ABLIM1: variants seen among roughly 807,000 people sequenced by gnomAD.
ABLIM1 encodes actin-binding LIM protein 1.
In ABLIM1, 40 loss-of-function variants were observed where a neutral mutation model predicts 107.0. The ratio of observed to expected loss-of-function variants is 0.37; its 90% CI spans 0.29 to 0.49. The LOEUF (loss-of-function observed/expected upper bound fraction) is 0.49, where lower values mean the gene tolerates loss of function less well. Ranked by LOEUF, ABLIM1 falls within the 20% of genes least tolerant of loss-of-function variation. ABLIM1 has a pLI of 0.97. For synonymous variants in ABLIM1, 357 were observed against 357.3 expected (o/e 1.00, Z 0.01); for missense variants, 857 against 1,008.5 (o/e 0.85, Z 2.04).
At chr10:114,639,643 T>C (rs1042174149) in intron 1 of ABLIM1, among the ~76,000 whole-genome samples, 1 of 152,244 alleles carries the variant, frequency 6.6e-6, no homozygotes, top group Non-Finnish European at 1.5e-5. Context: ...GCATGTAACC[T>C]GCAGCGTTGC....
intron 6 of ABLIM1, among the ~76,000 whole-genome samples, chr10:114,538,657 C>G (rs1287285314): frequency 2.0e-5 from 3 of 152,214 alleles, no homozygotes; most frequent in African/African-American, 7.2e-5. Flanking sequence ...TCGTGGGACT[C>G]AGAGCCCCGC....
intron 1 of ABLIM1, among the ~76,000 whole-genome samples, chr10:114,664,608 A>G (rs2079938464): frequency 1.3e-5 from 2 of 151,542 alleles, no homozygotes; most frequent in African/African-American, 4.8e-5. Flanking sequence ...CAGTGGTGCG[A>G]TCTTGGCTCA....
At chr10:114,470,670 T>A (rs1020207966) in intron 10 of ABLIM1, among the ~76,000 whole-genome samples, 11 of 152,058 alleles carry the variant, frequency 7.2e-5, no homozygotes, top group African/African-American at 2.4e-4. Context: ...TAGCCAGCAT[T>A]TTTCTTAAGC....
At chr10:114,757,334 A>G (rs1312523556) in intron 1 of ABLIM1, among the ~76,000 whole-genome samples, 1 of 152,204 alleles carries the variant, frequency 6.6e-6, no homozygotes, top group Non-Finnish European at 1.5e-5. Context: ...ATCTCAGGCA[A>G]GTTTCTTCAT....
intron 8 of ABLIM1, among the ~76,000 whole-genome samples, chr10:114,482,630 G>A (rs557012437): frequency 6.6e-6 from 1 of 152,296 alleles, no homozygotes; most frequent in South Asian, 2.1e-4. Context: ...CATTTTCTCT[G>A]CCAGGTCCCC....
the ABLIM1 span, among the ~76,000 whole-genome samples, chr10:114,784,618 G>A: frequency 7.3e-6 from 1 of 136,060 alleles, no homozygotes; most frequent in East Asian, 2.3e-4. Flanking sequence ...AGTGAGCTGA[G>A]ATCCAGCCAC....
chr10:114,590,936 G>C (rs2074802351), intron 2 of ABLIM1, among the ~76,000 whole-genome samples: 1 of 152,090 alleles, frequency 6.6e-6, no homozygotes, highest in Non-Finnish European at 1.5e-5. Context: ...ACTTGGTCTA[G>C]AATACCTCTC....
intron 2 of ABLIM1, among the ~76,000 whole-genome samples, chr10:114,583,077 C>T (rs894857578): frequency 3.9e-5 from 6 of 151,900 alleles, no homozygotes; most frequent in African/African-American, 1.5e-4. Context: ...AAACAGACAA[C>T]CTACAGAATG....
At chr10:114,556,076 G>GAA (rs748571089) in intron 4 of ABLIM1, among the ~76,000 whole-genome samples, 1 of 145,408 alleles carries the variant, frequency 6.9e-6, no homozygotes, top group African/African-American at 2.5e-5. Context: ...GGAGCTCCAA[G>GAA]AAAAAAAAAA....
intron 1 of ABLIM1, among the ~76,000 whole-genome samples, chr10:114,634,287 C>G (rs1214681315): frequency 6.7e-6 from 1 of 149,048 alleles, no homozygotes; most frequent in Non-Finnish European, 1.5e-5. Context: ...CGCCCGCTAC[C>G]ACGCCCGGCT....
At chr10:114,667,279 C>A (rs530093362) in intron 1 of ABLIM1, among the ~76,000 whole-genome samples, 3 of 152,258 alleles carry the variant, frequency 2.0e-5, no homozygotes, top group South Asian at 4.2e-4. Flanking sequence ...AGATTTTAAT[C>A]TGCTGTGAAC....
At chr10:114,525,198 C>T (rs2064482931) in intron 6 of ABLIM1, among the ~76,000 whole-genome samples, 1 of 152,200 alleles carries the variant, frequency 6.6e-6, no homozygotes, top group Non-Finnish European at 1.5e-5. Flanking sequence ...ATAATCCCAT[C>T]CAAAATGTCA....
At chr10:114,524,608 T>A (rs568976563) in intron 6 of ABLIM1, among the ~76,000 whole-genome samples, 117 of 152,242 alleles carry the variant, frequency 7.7e-4, no homozygotes, top group African/African-American at 2.6e-3. Context: ...AAAAACTCTA[T>A]ATTTACAGAA....
At chr10:114,697,867 T>A (rs1386828428) in intron 1 of ABLIM1, among the ~76,000 whole-genome samples, 2 of 152,184 alleles carry the variant, frequency 1.3e-5, no homozygotes, top group Admixed American at 6.5e-5. Context: ...TGGTATGTGA[T>A]AAATAAGTGC....
At chr10:114,611,810 G>A (rs1417297356) in intron 1 of ABLIM1, among the ~76,000 whole-genome samples, 1 of 152,110 alleles carries the variant, frequency 6.6e-6, no homozygotes. Flanking sequence ...CCTCCTAAAA[G>A]CATGACTCCT....
the ABLIM1 span, among the ~76,000 whole-genome samples, chr10:114,789,130 C>T: frequency 2.0e-5 from 3 of 151,984 alleles, no homozygotes; most frequent in African/African-American, 7.3e-5. Flanking sequence ...TGGCACGTGC[C>T]TGTAGTCCCA....
At chr10:114,652,977 G>T (rs1003055322) in intron 1 of ABLIM1, among the ~76,000 whole-genome samples, 1 of 152,126 alleles carries the variant, frequency 6.6e-6, no homozygotes, top group Non-Finnish European at 1.5e-5. Flanking sequence ...TACGTAATTA[G>T]CAATATTATT....
intron 1 of ABLIM1, among the ~76,000 whole-genome samples, chr10:114,750,763 T>G (rs190616623): frequency 2.0e-5 from 3 of 152,366 alleles, no homozygotes; most frequent in Non-Finnish European, 4.4e-5. Context: ...ATTTTATAGA[T>G]TTCATTTAAC....
intron 2 of ABLIM1, among the ~76,000 whole-genome samples, chr10:114,581,096 G>T (rs2073316005): frequency 6.6e-6 from 1 of 152,088 alleles, no homozygotes; most frequent in Admixed American, 6.6e-5. Context: ...AGAAACCACT[G>T]AATACAATCA....
Sources: gnomAD v4.1 joint callset for allele counts (sites outside exome capture counted in the v4.1 genomes callset) on GRCh38, gnomAD v4.1.1 for gene constraint, MANE v1.5 for transcripts, NCBI Gene and HGNC (gene_info 2026-07-23, HGNC 2026-07-21) for gene names.